CCSER1: variants seen among roughly 807,000 people sequenced by gnomAD.
The protein encoded by CCSER1 is coiled-coil serine rich protein 1.
CCSER1 carries 41 observed loss-of-function variants against 82.0 expected under a neutral mutation model. The observed-to-expected ratio is 0.50, with a 90% CI of 0.39 to 0.65. The LOEUF is 0.65. Ranked by LOEUF, CCSER1 falls within the 30% of genes least tolerant of loss-of-function variation. CCSER1 has a pLI of 0.00. For missense variants in CCSER1, 1,119 were observed against 1,064.2 expected, an observed-to-expected ratio of 1.05 and a Z score of -0.72; for synonymous variants, 414 against 383.9, an observed-to-expected ratio of 1.08 and a Z score of -0.92.
intron 10 of CCSER1, among the ~76,000 whole-genome samples, chr4:91,436,914 G>T (rs1158075256): frequency 6.6e-6 from 1 of 152,196 alleles, no homozygotes; most frequent in Admixed American, 6.5e-5. Flanking sequence ...AGATAAAGTT[G>T]TATGAAAATG....
intron 10 of CCSER1, among the ~76,000 whole-genome samples, chr4:91,371,942 A>G (rs1177607954): frequency 1.3e-5 from 2 of 152,206 alleles, no homozygotes; most frequent in African/African-American, 4.8e-5. Context: ...CAGACTTTAC[A>G]CATATTCAGA....
At chr4:90,197,160 CA>C (rs1393970484) in intron 1 of CCSER1, among the ~76,000 whole-genome samples, 2 of 152,062 alleles carry the variant, frequency 1.3e-5, no homozygotes, top group Non-Finnish European at 2.9e-5. Context: ...TACTTTTACC[CA>C]TTTATTATAA....
chr4:91,124,231 C>T (rs528841089), intron 10 of CCSER1, among the ~76,000 whole-genome samples: 1 of 151,648 alleles, frequency 6.6e-6, no homozygotes, highest in Non-Finnish European at 1.5e-5. Context: ...ATAAAAATTT[C>T]AAATATTGTC....
At chr4:90,633,346 A>G (rs541082072) in intron 6 of CCSER1, among the ~76,000 whole-genome samples, 1 of 152,132 alleles carries the variant, frequency 6.6e-6, no homozygotes, top group African/African-American at 2.4e-5. Context: ...TTTTTTTCTC[A>G]GAATATGAAA....
chr4:91,519,912 C>T (rs1760361067), intron 10 of CCSER1, among the ~76,000 whole-genome samples: 1 of 152,188 alleles, frequency 6.6e-6, no homozygotes, highest in Non-Finnish European at 1.5e-5. Flanking sequence ...TACTAGTTCC[C>T]TCTAGTCAGC....
chr4:91,362,694 C>T (rs746456857), intron 10 of CCSER1, among the ~76,000 whole-genome samples: 6 of 151,606 alleles, frequency 4.0e-5, no homozygotes, highest in Non-Finnish European at 7.4e-5. Flanking sequence ...TATGCAGAGC[C>T]GTGAATACAT....
chr4:90,140,657 CTTTTTTTTTTTT>C (rs34194245), intron 1 of CCSER1, among the ~76,000 whole-genome samples: 2 of 63,602 alleles, frequency 3.1e-5, no homozygotes, highest in African/African-American at 6.8e-5. Flanking sequence ...TTTTGGTCTA[CTTTTTTTTTTTT>C]TTTTTTTTTT....
intron 3 of CCSER1, among the ~76,000 whole-genome samples, chr4:90,316,895 G>T (rs553642594): frequency 6.6e-6 from 1 of 152,094 alleles, no homozygotes; most frequent in East Asian, 1.9e-4. Context: ...TTTATTAAAG[G>T]AATCCAAAGT....
chr4:91,431,483 G>A (rs945640336), intron 10 of CCSER1, among the ~76,000 whole-genome samples: 5 of 151,666 alleles, frequency 3.3e-5, no homozygotes, highest in South Asian at 2.1e-4. Context: ...TTCGGGGGGC[G>A]GTGGATGGGG....
At chr4:90,790,173 A>C (rs901202364) in intron 7 of CCSER1, among the ~76,000 whole-genome samples, 3 of 152,172 alleles carry the variant, frequency 2.0e-5, no homozygotes, top group Non-Finnish European at 4.4e-5. Flanking sequence ...CCTTTTTAAC[A>C]GTCTTTAGCC....
chr4:91,078,570 A>G (rs1033422047), intron 9 of CCSER1, among the ~76,000 whole-genome samples: 1 of 152,266 alleles, frequency 6.6e-6, no homozygotes, highest in African/African-American at 2.4e-5. Flanking sequence ...AAAGCTGGAC[A>G]GAGAATGACT....
chr4:90,130,785 A>G (rs1174176324), intron 1 of CCSER1, among the ~76,000 whole-genome samples: 1 of 151,526 alleles, frequency 6.6e-6, no homozygotes, highest in Non-Finnish European at 1.5e-5. Flanking sequence ...CACCCCGCCC[A>G]GCTAAATTTT....
At chr4:90,634,584 G>A (rs1415375977) in intron 6 of CCSER1, among the ~76,000 whole-genome samples, 1 of 151,442 alleles carries the variant, frequency 6.6e-6, no homozygotes, top group Non-Finnish European at 1.5e-5. Context: ...GCATTAATAA[G>A]GATTTTATAA....
At chr4:91,183,617 T>G (rs1037458367) in intron 10 of CCSER1, among the ~76,000 whole-genome samples, 2 of 152,170 alleles carry the variant, frequency 1.3e-5, no homozygotes, top group Admixed American at 1.3e-4. Context: ...TAGTAGCGAT[T>G]TGATATAAAT....
chr4:91,178,864 G>T (rs1054625863), intron 10 of CCSER1, among the ~76,000 whole-genome samples: 7 of 152,214 alleles, frequency 4.6e-5, no homozygotes, highest in African/African-American at 1.7e-4. Context: ...TGGATATTTT[G>T]CTCATTATTT....
chr4:90,669,541 A>G (rs1181122495), intron 6 of CCSER1, among the ~76,000 whole-genome samples: 1 of 152,124 alleles, frequency 6.6e-6, no homozygotes, highest in African/African-American at 2.4e-5. Context: ...TTTAGAGAAT[A>G]TATACCACAT....
chr4:91,240,250 G>T (rs1581826373), intron 10 of CCSER1, among the ~76,000 whole-genome samples: 1 of 62,608 alleles, frequency 1.6e-5, no homozygotes, highest in Admixed American at 1.7e-4. Flanking sequence ...TAATTTTTCT[G>T]TATTTTTAAT....
intron 10 of CCSER1, among the ~76,000 whole-genome samples, chr4:91,273,158 A>G (rs111664969): frequency 0.14 from 20,677 of 151,556 alleles, 1,542 homozygotes; most frequent in East Asian, 0.23. Context: ...TTTTATGGGA[A>G]TTGTGCTGAA....
rs377041922 is a variant in CCSER1 at position 91,480,796 on chromosome 4, C to T, written c.2218-117776C>T. Among the ~76,000 whole-genome samples, 14 of 152,258 alleles carry T rather than the reference C, an allele frequency of 9.2e-5. No homozygotes were observed. In the East Asian group the frequency reaches 1.5e-3, roughly 17 times the overall value. On this transcript the variant is annotated intron_variant, in intron 10 of 10. Coordinates refer to ENST00000509176, the MANE Select transcript of CCSER1 (RefSeq NM_001145065.2). ...CATCTCCTAATTTTAAATGATAGAA[C>T]GTGACACTTCTTACTTCTAAAGAAA...
Sources: gnomAD v4.1 joint callset for allele counts (sites outside exome capture counted in the v4.1 genomes callset) on GRCh38, gnomAD v4.1.1 for gene constraint, MANE v1.5 for transcripts, NCBI Gene and HGNC (gene_info 2026-07-23, HGNC 2026-07-21) for gene names.